The following TRRAP variants were observed in gnomAD, a reference collection of about 807,000 sequenced individuals.
The protein encoded by TRRAP is transformation/transcription domain associated protein.
TRRAP carries 41 observed loss-of-function variants against 438.8 expected under a neutral mutation model. The observed-to-expected ratio is 0.09, with a 90% CI of 0.07 to 0.12. The LOEUF (loss-of-function observed/expected upper bound fraction) is 0.12, where lower values mean the gene tolerates loss of function less well. Ranked by LOEUF, TRRAP falls within the 10% of genes least tolerant of loss-of-function variation. The pLI, the probability that TRRAP is intolerant of heterozygous loss-of-function variation, is 1.00. For missense variants in TRRAP, 3,122 were observed against 5,055.1 expected (o/e 0.62, Z 11.60); for synonymous variants, 1,994 against 1,962.9 (o/e 1.02, Z -0.42).
In TRRAP at chr7:98,882,029, G is replaced by T; in HGVS notation, c.150+5G>T. 6.2e-7 allele frequency: 1 copy of T among 1,609,170 alleles called. No homozygotes were observed. The highest frequency in any genetic ancestry group is 1.1e-5 in the South Asian group (1 of 89,740). On this transcript the variant is annotated splice_donor_5th_base_variant and intron_variant, in intron 3 of 72. Transcript: ENST00000456197. ...GAAGTTAGTGAAAATTTTGAGGTAT[G>T]AGCATTATATTTTCTATTTTTCATT...
chr7:98,932,386 T>TA (rs1220629604), intron 26 of TRRAP, among the ~76,000 whole-genome samples: 5 of 152,230 alleles, frequency 3.3e-5, no homozygotes, highest in South Asian at 2.1e-4. Context: ...GTGCTGGGAT[T>TA]ACAGGCATGA....
chr7:98,966,872 T>C (rs1792182377), intron 49 of TRRAP, among the ~76,000 whole-genome samples, 169 bp from the exon 50 acceptor site: 1 of 152,232 alleles, frequency 6.6e-6, no homozygotes, highest in African/African-American at 2.4e-5. Context: ...CCTACGAAAA[T>C]TACATTGGCA....
chr7:98,997,881 C>T (rs1416764691), intron 67 of TRRAP, among the ~76,000 whole-genome samples: 3 of 152,178 alleles, frequency 2.0e-5, no homozygotes, highest in East Asian at 1.9e-4. Context: ...GGACCACATA[C>T]ACCACTAATA....
At chr7:98,923,366 T>C (rs1789890792) in intron 21 of TRRAP, among the ~76,000 whole-genome samples, 1 of 152,204 alleles carries the variant, frequency 6.6e-6, no homozygotes, top group Non-Finnish European at 1.5e-5. Context: ...TGTCAAGGCA[T>C]TCTTTCTGAG....
chr7:98,901,551 T>G (rs1796468090), intron 11 of TRRAP, among the ~76,000 whole-genome samples: 1 of 152,224 alleles, frequency 6.6e-6, no homozygotes, highest in South Asian at 2.1e-4. Flanking sequence ...GCTTTATTAT[T>G]TACTTACTAT....
rs782732311 is a variant in TRRAP at position 98,890,403 on chromosome 7, C to T, written c.219C>T (p.Leu73=). The T allele has an allele frequency of 2.5e-6, 4 of 1,604,888 alleles. No homozygotes were observed. The South Asian group carries it at 3.4e-5, about 14-fold the overall frequency. The change falls in exon 4 of 73, where the codon CTC becomes CTT. Residue 73 remains leucine (L), a synonymous_variant. Coordinates refer to ENST00000456197, the MANE Select transcript of TRRAP (RefSeq NM_001375524.1). ...TCATCCCTCGATTCCTTACATTTCT[C>T]CAAGATGGAGAAGTTCAGTTTCTTC... The part of the protein sequence containing the change: ...EHIIPRFLTF[L]QDGEVQFLQE...
chr7:98,897,755 G>GAAC lies in TRRAP; in HGVS notation c.523_525dup (p.Asn175dup). The stretch of plus-strand genomic sequence containing the variant: ...CTTTTATGTAGAACCGCTACTTTGA[G>GAAC]AACCCTCAAGTGATCCCCGAGAACA... On this transcript the variant is annotated inframe_insertion, in exon 8 of 73. Transcript: ENST00000456197. 1.9e-6 allele frequency: 3 copies of GAAC among 1,613,172 alleles called. No homozygotes were observed. The highest frequency in any genetic ancestry group is 2.5e-6 in the Non-Finnish European group (3 of 1,179,796).
At chr7:98,903,541 G>A (rs782239704) in intron 12 of TRRAP, 24 bp downstream of exon 12, 2 of 1,613,402 alleles carry the variant, frequency 1.2e-6, no homozygotes, top group Admixed American at 3.3e-5. Flanking sequence ...GTCTTGTCTT[G>A]AATGCTGATG....
At position 98,967,060 on chromosome 7, in the gene TRRAP, A is replaced by T; in HGVS notation, c.7196A>T (p.Lys2399Met). 4 of 1,613,826 alleles carry T rather than the reference A, an allele frequency of 2.5e-6. No individual in the cohort carries two copies. The highest frequency in any genetic ancestry group is 3.4e-6 in the Non-Finnish European group (4 of 1,179,878). The change falls in exon 50 of 73, where the codon AAG (lysine) becomes ATG (methionine). Residue 2399 changes from lysine to methionine, a missense_variant. Physicochemically the swap from Lys to Met is moderately conservative, Grantham distance 95 (BLOSUM62 -1). This residue lies in a region of TRRAP where 992 missense variants were observed against 1,281.2 expected (regional missense o/e 0.77). Coordinates refer to ENST00000456197, the MANE Select transcript of TRRAP (RefSeq NM_001375524.1). ...ATACAGACACCTACACTCCGGGAGA[A>T]GTCCATTTTGCTTGTGAAGATGATG... ...AANQTPTLRE[K>M]SILLVKMMTY...
In TRRAP at chr7:98,917,687, T is replaced by G. The variant is rs1789571293; in HGVS notation, c.2622+8T>G. On this transcript the variant is annotated splice_region_variant and intron_variant, in intron 20 of 72. Coordinates refer to ENST00000456197, the MANE Select transcript of TRRAP (RefSeq NM_001375524.1). The stretch of plus-strand genomic sequence containing the variant: ...CGCGCAGAGCTCATGCAGGTAGGAT[T>G]TTAGTGAGGTTGTTAGCTGGCTGCT... 4 of 1,611,008 alleles carry G rather than the reference T, an allele frequency of 2.5e-6. No individual in the cohort carries two copies. The highest frequency in any genetic ancestry group is 3.4e-6 in the Non-Finnish European group (4 of 1,177,534).
At chr7:98,889,729 A>T (rs1024353668) in intron 3 of TRRAP, among the ~76,000 whole-genome samples, 5 of 151,774 alleles carry the variant, frequency 3.3e-5, no homozygotes, top group African/African-American at 1.2e-4. Flanking sequence ...TTTAAAAAAA[A>T]TTTTTTGTAG....
chr7:98,951,421 C>T (rs1180002496), intron 39 of TRRAP, among the ~76,000 whole-genome samples: 4 of 152,204 alleles, frequency 2.6e-5, no homozygotes, highest in African/African-American at 7.2e-5. Context: ...TGCTGTGACT[C>T]CTCCTTTTCC....
intron 58 of TRRAP, among the ~76,000 whole-genome samples, chr7:98,979,353 G>GC (rs551071072): frequency 3.3e-5 from 5 of 152,162 alleles, no homozygotes; most frequent in Admixed American, 6.5e-5. Flanking sequence ...CTGCACAGCC[G>GC]CCTGGGTTCT....
chr7:98,990,098 T>C (rs1453370887), intron 63 of TRRAP, among the ~76,000 whole-genome samples: 1 of 152,030 alleles, frequency 6.6e-6, no homozygotes, highest in African/African-American at 2.4e-5. Flanking sequence ...CGTGGTGGTG[T>C]GTGCCTGTAG....
chr7:98,914,435 A>T (rs1789424113), intron 18 of TRRAP, among the ~76,000 whole-genome samples: 1 of 152,162 alleles, frequency 6.6e-6, no homozygotes, highest in Non-Finnish European at 1.5e-5. Flanking sequence ...TAAAATAATT[A>T]TAATCTGTGT....
chr7:98,967,693 A>C lies in TRRAP; in HGVS notation c.7507A>C (p.Ile2503Leu), dbSNP rs143787708. ...MGNHFWIKQC[I>L]ELLLAVCEKS... The stretch of plus-strand genomic sequence containing the variant: ...GAACCACTTCTGGATCAAGCAGTGC[A>C]TTGAGGTAGGAAGACTCGGCTCACA... The change falls in exon 51 of 73, where the codon ATT becomes CTT. Residue 2503 changes from isoleucine (I) to leucine (L), a missense_variant. Coordinates refer to ENST00000456197, the MANE Select transcript of TRRAP (RefSeq NM_001375524.1). The C allele has an allele frequency of 6.2e-7, 1 of 1,613,454 alleles. No individual in the cohort carries two copies. Among genetic ancestry groups the C allele is most frequent in the Admixed American group, 1.7e-5 (1 of 60,016 alleles).
In TRRAP at chr7:98,981,742, T is replaced by C. The variant is rs370569121; in HGVS notation, c.8635-27T>C. The stretch of plus-strand genomic sequence containing the variant: ...ACTGAGGGAAAGAAGGCCCCTCACG[T>C]CCTGTGTCACGTTCTTTCACTGCCA... On this transcript the variant is annotated intron_variant, in intron 58 of 72. Transcript: ENST00000456197. 2.5e-6 allele frequency: 4 copies of C among 1,585,424 alleles called. No individual in the cohort carries two copies. The African/African-American group carries it at 5.4e-5, about 21-fold the overall frequency.
chr7:98,929,846 G>A (rs888241596), intron 23 of TRRAP, 143 bp from the exon 24 acceptor site: 45 of 774,402 alleles, frequency 5.8e-5, no homozygotes, highest in Admixed American at 4.2e-4. Flanking sequence ...CTCCTGCCTC[G>A]GCCTCCCAGA....
intron 51 of TRRAP, 57 bp downstream of exon 51, chr7:98,967,755 G>T: frequency 6.5e-7 from 1 of 1,529,076 alleles, no homozygotes; most frequent in Non-Finnish European, 8.9e-7. Flanking sequence ...TTCTGAGTTG[G>T]GGCTCCAAAG....
Sources: allele counts gnomAD v4.1 joint callset (sites outside exome capture counted in the v4.1 genomes callset), GRCh38; gene constraint gnomAD v4.1.1; regional missense constraint gnomAD v4.1.1; transcripts MANE v1.5; gene names NCBI Gene and HGNC (gene_info 2026-07-23, HGNC 2026-07-21).